PCBD1: variants seen among roughly 807,000 people sequenced by gnomAD.
PCBD1 encodes pterin-4-alpha-carbinolamine dehydratase.
Under a neutral mutation model 12.6 loss-of-function variants are expected in PCBD1, and 16 were observed. The ratio of observed to expected loss-of-function variants is 1.27; its 90% confidence interval spans 0.86 to 1.93. PCBD1 has a LOEUF of 1.93. Among genes scored for constraint, PCBD1 ranks in the 30% most tolerant of loss-of-function variants. The pLI is 0.00. For missense variants in PCBD1, 86 were observed against 130.1 expected (o/e 0.66, Z 1.65); for synonymous variants, 53 against 50.2 (o/e 1.05, Z -0.23).
At position 70,883,973 on chromosome 10, in the gene PCBD1, G is replaced by A. The variant is rs121913015; in HGVS notation, c.292C>T (p.Gln98Ter). ...GTCTATGTCATGGACACTGCTACTT[G>A]TTCGATGAAGCTGGCCAGGTTTATG... Reference protein sequence around the residue: ...RDINLASFIEQVAVSMT With the variant: ...RDINLASFIE The change falls in exon 4 of 4, where the codon CAA becomes TAA. Residue 98 changes from glutamine (Q) to a stop codon, truncating the protein, a stop_gained. Transcript: ENST00000299299. LOFTEE classifies it high-confidence loss of function. The A allele has an allele frequency of 2.0e-4, 318 of 1,614,068 alleles. No individual in the cohort carries two copies. The highest frequency in any genetic ancestry group is 2.6e-4 in the Non-Finnish European group (301 of 1,180,014).
chr10:70,886,050 G>C (rs1846577947), intron 1 of PCBD1, 121 bp from the exon 2 acceptor site: 1 of 1,315,752 alleles, frequency 7.6e-7, no homozygotes. Flanking sequence ...GTGACCAAAG[G>C]GCAGCAGGTC....
At chr10:70,888,167 G>A (rs1398337369) in intron 1 of PCBD1, 1 of 215,096 alleles carries the variant, frequency 4.6e-6, no homozygotes, top group Non-Finnish European at 9.2e-6. Flanking sequence ...TCCCACCCCA[G>A]TATAAAGCAG....
Position 70,884,018 on chromosome 10 carries a change from C to T in PCBD1, c.247G>A (p.Ala83Thr), listed in dbSNP as rs752999137. 1 of 1,614,140 alleles carries T rather than the reference C, an allele frequency of 6.2e-7. No individual in the cohort carries two copies. The highest frequency in any genetic ancestry group is 8.5e-7 in the Non-Finnish European group (1 of 1,180,016). Residue 83 changes from alanine (A) to threonine (T), a missense_variant, in exon 4 of 4, where the codon GCC becomes ACC. Transcript: ENST00000299299. ...TTTATGTCCCGTTCTGAAAGGCCGG[C>T]ACACTCATGGGTGCTCAGCGTGATG... ...VHITLSTHEC[A>T]GLSERDINLA...
At chr10:70,885,324 T>A in intron 2 of PCBD1, 92 bp from the exon 3 acceptor site, 1 of 912,792 alleles carries the variant, frequency 1.1e-6, no homozygotes, top group African/African-American at 1.6e-5. Flanking sequence ...GAGGATGAAT[T>A]AGCTTCCCCC....
At position 70,883,672 on chromosome 10, in the gene PCBD1, T is replaced by A. The variant is rs944181771; in HGVS notation, c.*278A>T. ...AGCAAGAGACGGCCTGGCAAGAAAA[T>A]CATTATTGTTGCTGGGAAGTTGCAA... On this transcript the variant is annotated 3_prime_UTR_variant, in exon 4 of 4. Coordinates refer to ENST00000299299, the MANE Select transcript of PCBD1 (RefSeq NM_000281.4). The A allele has an allele frequency of 1.5e-5, 20 of 1,317,446 alleles. No individual in the cohort carries two copies. Among genetic ancestry groups the A allele is most frequent in the Admixed American group, 3.2e-5 (1 of 31,528 alleles). The allele number at this position is 1,317,446 out of a possible 1,614,324, so 81.6% of individuals were successfully genotyped here. A position where few individuals can be genotyped will look rare whatever the true frequency, so the allele number is the denominator to read the frequency against.
At chr10:70,885,979 C>A in intron 1 of PCBD1, 50 bp from the exon 2 acceptor site, 2 of 1,604,794 alleles carry the variant, frequency 1.2e-6, no homozygotes, top group South Asian at 2.2e-5. Context: ...CTTTATAGGT[C>A]AAAACAGAGG....
At chr10:70,886,942 A>G (rs994418080) in intron 1 of PCBD1, among the ~76,000 whole-genome samples, 1 of 152,204 alleles carries the variant, frequency 6.6e-6, no homozygotes, top group African/African-American at 2.4e-5. Flanking sequence ...CTTCTAGAGT[A>G]GCACCACCCC....
chr10:70,883,922 G>A lies in PCBD1; in HGVS notation c.*28C>T, dbSNP rs747197749. The A allele has an allele frequency of 4.3e-5, 69 of 1,606,426 alleles. No individual in the cohort carries two copies. Among genetic ancestry groups the A allele is most frequent in the Non-Finnish European group, 5.4e-5 (63 of 1,176,256 alleles). On this transcript the variant is annotated 3_prime_UTR_variant, in exon 4 of 4. Transcript: ENST00000299299. ...TCCCAGTTCAGTCACCCCTTCCCCC[G>A]GAAGAATTCAAAGAGGAAGGGCAGG...
rs572191138 is a variant in PCBD1, at chr10:70,885,318, A to G, written c.136-86T>C. On this transcript the variant is annotated intron_variant, in intron 2 of 3. Transcript: ENST00000299299. ...CAATTCAAGGCCTAGACGCAGGAGG[A>G]TGAATTAGCTTCCCCCCAGGAGACT... 52 of 963,386 alleles carry G rather than the reference A, an allele frequency of 5.4e-5. 1 individual carries two copies. The South Asian group carries it at 6.9e-4, about 13-fold the overall frequency. The allele number at this position is 963,386 out of a possible 1,614,324, so 59.7% of individuals were successfully genotyped here.
At position 70,883,720 on chromosome 10, in the gene PCBD1, A is replaced by C; in HGVS notation, c.*230T>G. The C allele has an allele frequency of 7.1e-7, 1 of 1,399,306 alleles. No individual in the cohort carries two copies. Among genetic ancestry groups the C allele is most frequent in the South Asian group, 1.5e-5 (1 of 66,070 alleles). 86.7% of individuals were successfully genotyped at this position (1,399,306 alleles called of 1,614,324 possible). On this transcript the variant is annotated 3_prime_UTR_variant, in exon 4 of 4. Transcript: ENST00000299299. ...CAAAGAAAGGGGAGAGTTTATTCAA[A>C]TTAGTGTAACAGAGCCCCCAGGATG...
At chr10:70,888,363 C>T (rs2131971427) in intron 1 of PCBD1, 168 bp downstream of exon 1, 2 of 675,102 alleles carry the variant, frequency 3.0e-6, no homozygotes, top group Non-Finnish European at 4.2e-6. Flanking sequence ...CTTCAGCTTC[C>T]CCTCCCCGCC....
chr10:70,885,755 A>T, intron 2 of PCBD1, 43 bp downstream of exon 2: 1 of 1,612,280 alleles, frequency 6.2e-7, no homozygotes, highest in South Asian at 1.1e-5. Context: ...AGGTGACCCC[A>T]TCAGCCCGTC....
At chr10:70,886,011 T>C in intron 1 of PCBD1, 82 bp from the exon 2 acceptor site, 8 of 1,548,914 alleles carry the variant, frequency 5.2e-6, no homozygotes, top group Non-Finnish European at 7.0e-6. Context: ...TTAGGGGAAC[T>C]TAGCTTCCAC....
intron 1 of PCBD1, among the ~76,000 whole-genome samples, chr10:70,886,625 A>G (rs895717572): frequency 2.0e-5 from 3 of 152,170 alleles, no homozygotes; most frequent in African/African-American, 7.2e-5. Context: ...CACTACCTCT[A>G]GTAGGTCCTC....
Position 70,885,802 on chromosome 10 carries a change from T to C in PCBD1, c.131A>G (p.Asn44Ser). Reference sequence around the variant, plus strand: ...TGTCCCACCCTGGTGCCATACCCTGTTGAAGTCTTTGAAATGAAACTGCTT... The same window carrying C: ...TGTCCCACCCTGGTGCCATACCCTGCTGAAGTCTTTGAAATGAAACTGCTT... ...IFKQFHFKDF[N>S]RAFGFMTRVA... Residue 44 changes from asparagine to serine, a missense_variant, in exon 2 of 4, where the codon AAC becomes AGC. Physicochemically the swap from Asn to Ser is conservative, Grantham distance 46 (BLOSUM62 1). Coordinates refer to ENST00000299299, the MANE Select transcript of PCBD1 (RefSeq NM_000281.4). 6.2e-7 allele frequency: 1 copy of C among 1,613,984 alleles called. No individual in the cohort carries two copies. Among genetic ancestry groups the C allele is most frequent in the Non-Finnish European group, 8.5e-7 (1 of 1,179,972 alleles).
At position 70,883,723 on chromosome 10, in the gene PCBD1, A is replaced by T; in HGVS notation, c.*227T>A. 1 of 1,402,270 alleles carries T rather than the reference A, an allele frequency of 7.1e-7. No homozygotes were observed. The highest frequency in any genetic ancestry group is 9.3e-7 in the Non-Finnish European group (1 of 1,077,828). 86.9% of individuals were successfully genotyped at this position (1,402,270 alleles called of 1,614,324 possible). A position where few individuals can be genotyped will look rare whatever the true frequency, so the allele number is the denominator to read the frequency against. ...AGAAAGGGGAGAGTTTATTCAAATTAGTGTAACAGAGCCCCCAGGATGAAG... is the reference window on the plus strand; with the variant it reads ...AGAAAGGGGAGAGTTTATTCAAATTTGTGTAACAGAGCCCCCAGGATGAAG... On this transcript the variant is annotated 3_prime_UTR_variant, in exon 4 of 4. Coordinates refer to ENST00000299299, the MANE Select transcript of PCBD1 (RefSeq NM_000281.4).
chr10:70,885,925 C>T lies in PCBD1; in HGVS notation c.8G>A (p.Gly3Asp). Residue 3 changes from glycine (G) to aspartate (D), a missense_variant, in exon 2 of 4, where the codon GGC becomes GAC. By Grantham distance (94) the Gly-to-Asp change is moderately conservative (BLOSUM62 -1). Transcript: ENST00000299299. Reference protein sequence around the residue: MAGKAHRLSAEER... With the variant: MADKAHRLSAEER... The stretch of plus-strand genomic sequence containing the variant: ...CTCAGCGCTCAGCCTGTGTGCTTTG[C>T]CAGCCTAGAAGAGGGAAAAAAACAG... 6.2e-7 allele frequency: 1 copy of T among 1,613,628 alleles called. No homozygotes were observed. The highest frequency in any genetic ancestry group is 8.5e-7 in the Non-Finnish European group (1 of 1,179,846).
chr10:70,888,523 G>T lies in PCBD1; in HGVS notation c.3+8C>A. 7.6e-7 allele frequency: 1 copy of T among 1,318,752 alleles called. No homozygotes were observed. The highest frequency in any genetic ancestry group is 9.7e-7 in the Non-Finnish European group (1 of 1,032,630). 81.7% of individuals were successfully genotyped at this position (1,318,752 alleles called of 1,614,324 possible). A position where few individuals can be genotyped will look rare whatever the true frequency, so the allele number is the denominator to read the frequency against. On this transcript the variant is annotated splice_region_variant and intron_variant, in intron 1 of 3. Transcript: ENST00000299299. ...GCCCCGATCGCGGCCGCGCACCCCT[G>T]GACTCACCATGGCGCGGGCGGCAGC...
chr10:70,885,390 C>T (rs1846566554), intron 2 of PCBD1, among the ~76,000 whole-genome samples, 158 bp from the exon 3 acceptor site: 1 of 152,222 alleles, frequency 6.6e-6, no homozygotes, highest in South Asian at 2.1e-4. Context: ...GGTTCTCAGG[C>T]TTGAGTTAGA....
Sources: gnomAD v4.1 joint callset for allele counts (sites outside exome capture counted in the v4.1 genomes callset) on GRCh38, gnomAD v4.1.1 for gene constraint, MANE v1.5 for transcripts, NCBI Gene and HGNC (gene_info 2026-07-23, HGNC 2026-07-21) for gene names.